Variants in PHLDB3 observed in about 807,000 individuals in gnomAD.
PHLDB3 encodes the protein pleckstrin homology like domain family B member 3.
In PHLDB3, 86 loss-of-function variants were observed where a neutral mutation model predicts 85.7. That is an observed-to-expected ratio of 1.00 (90% CI 0.84 to 1.20). PHLDB3 has a LOEUF of 1.20. PHLDB3 is among the 50% of genes most tolerant of loss of function. PHLDB3 has a pLI of 0.00. For synonymous variants in PHLDB3, 376 were observed against 349.8 expected (o/e 1.07, Z -0.83); for missense variants, 995 against 873.0 (o/e 1.14, Z -1.76).
intron 2 of PHLDB3, among the ~76,000 whole-genome samples, 174 bp from the exon 3 acceptor site, chr19:43,502,457 CTTT>C (rs10685194): frequency 7.3e-6 from 1 of 136,650 alleles, no homozygotes. Context: ...TCTTTCTTAT[CTTT>C]TTTTTTTTTT....
intron 2 of PHLDB3, among the ~76,000 whole-genome samples, chr19:43,503,349 C>G (rs1971665578): frequency 6.6e-6 from 1 of 151,160 alleles, no homozygotes; most frequent in South Asian, 2.1e-4. Context: ...TTGTCCCAGG[C>G]TGGGGTGCAG....
chr19:43,479,448 C>G lies in PHLDB3; in HGVS notation c.1631G>C (p.Gly544Ala). The change falls in exon 14 of 16, where the codon GGC (glycine) becomes GCC (alanine). Residue 544 changes from glycine to alanine, a missense_variant. Physicochemically the swap from Gly to Ala is moderately conservative, Grantham distance 60. Coordinates refer to ENST00000292140, the MANE Select transcript of PHLDB3 (RefSeq NM_198850.4). ...CCRGPLVKMG[G>A]RIKTWRKRWF... ...TCGCTTCCTCCAGGTCTTGATGCGG[C>G]CGCCCATCTTCACCAGGGGTCCACG... The G allele has an allele frequency of 1.3e-6, 2 of 1,566,388 alleles. No individual in the cohort carries two copies. Among genetic ancestry groups the G allele is most frequent in the Admixed American group, 1.9e-5 (1 of 52,860 alleles).
chr19:43,499,805 C>T (rs1971545803), intron 4 of PHLDB3, among the ~76,000 whole-genome samples: 1 of 151,386 alleles, frequency 6.6e-6, no homozygotes, highest in African/African-American at 2.4e-5. Flanking sequence ...GTGATCTTGG[C>T]TCCTGGGAGC....
At chr19:43,492,421 G>A (rs1971341420) in intron 9 of PHLDB3, among the ~76,000 whole-genome samples, 1 of 151,876 alleles carries the variant, frequency 6.6e-6, no homozygotes, top group Non-Finnish European at 1.5e-5. Context: ...GTCTCACTCT[G>A]TCGCCCAGGT....
intron 9 of PHLDB3, among the ~76,000 whole-genome samples, chr19:43,494,275 G>T (rs1971388692): frequency 6.6e-6 from 1 of 152,094 alleles, no homozygotes; most frequent in Non-Finnish European, 1.5e-5. Flanking sequence ...CTCCCAAAGT[G>T]CTGGGATTAC....
chr19:43,475,765 A>C (rs1045528185), intron 15 of PHLDB3, among the ~76,000 whole-genome samples: 1 of 151,970 alleles, frequency 6.6e-6, no homozygotes, highest in African/African-American at 2.4e-5. Flanking sequence ...TCATATGTAG[A>C]GCGCTATTGA....
chr19:43,485,160 T>C (rs1370210862), intron 13 of PHLDB3, among the ~76,000 whole-genome samples: 1 of 152,000 alleles, frequency 6.6e-6, no homozygotes, highest in Non-Finnish European at 1.5e-5. Context: ...TGGGGGTCTA[T>C]TAATCTACTC....
In PHLDB3 at chr19:43,502,298, G is replaced by A; in HGVS notation, c.214-15C>T. 1 of 1,544,588 alleles carries A rather than the reference G, an allele frequency of 6.5e-7. No individual in the cohort carries two copies. ...GTAGCCTCGGGCTGAAGTTGAGGGG[G>A]GCGTGGTTAAGTGGAGATGCCTCGC... On this transcript the variant is annotated splice_polypyrimidine_tract_variant and intron_variant, in intron 2 of 15. Coordinates refer to ENST00000292140, the MANE Select transcript of PHLDB3 (RefSeq NM_198850.4).
chr19:43,499,812 G>A (rs564994032), intron 4 of PHLDB3, among the ~76,000 whole-genome samples: 3 of 152,066 alleles, frequency 2.0e-5, no homozygotes, highest in Non-Finnish European at 4.4e-5. Flanking sequence ...TGGCTCCTGG[G>A]AGCTGCAACC....
chr19:43,501,748 GGCGGCC>G lies in PHLDB3; in HGVS notation c.514_519del (p.Gly172_Arg173del). On this transcript the variant is annotated inframe_deletion, in exon 4 of 16. Transcript: ENST00000292140. ...GCCAAACAGACCTGTTCCCGCTGCTGGCGGCCGCGCTGCTCCGAGGCCGCCTGCTGC... is the reference window on the plus strand; with the variant it reads ...GCCAAACAGACCTGTTCCCGCTGCTGGCGCTGCTCCGAGGCCGCCTGCTGC... 6.3e-7 allele frequency: 1 copy of G among 1,583,972 alleles called. No homozygotes were observed. Among genetic ancestry groups the G allele is most frequent in the Non-Finnish European group, 8.5e-7 (1 of 1,170,660 alleles).
At chr19:43,476,354 ACT>A (rs1324912590) in intron 15 of PHLDB3, among the ~76,000 whole-genome samples, 1 of 151,826 alleles carries the variant, frequency 6.6e-6, no homozygotes, top group Non-Finnish European at 1.5e-5. Context: ...ACGTGAGAAA[ACT>A]CAGGCCGGCC....
At chr19:43,494,555 G>A (rs1037312752) in intron 9 of PHLDB3, 147 bp downstream of exon 9, 5 of 620,682 alleles carry the variant, frequency 8.1e-6, no homozygotes, top group South Asian at 2.3e-5. Flanking sequence ...AATAACCCTT[G>A]GCCAACCTTC....
intron 4 of PHLDB3, among the ~76,000 whole-genome samples, chr19:43,500,111 T>C (rs1971553124): frequency 1.3e-5 from 2 of 152,056 alleles, no homozygotes; most frequent in South Asian, 2.1e-4. Context: ...TGGTGGTGCA[T>C]GCCTGTAATC....
In PHLDB3 at chr19:43,501,744, T is replaced by G; in HGVS notation, c.524A>C (p.Gln175Pro). The G allele has an allele frequency of 1.3e-6, 2 of 1,584,684 alleles. No homozygotes were observed. The highest frequency in any genetic ancestry group is 1.7e-6 in the Non-Finnish European group (2 of 1,171,206). ...QAASEQRGRQ[Q>P]REQEQRRLSQ... Reference sequence around the variant, plus strand: ...GTGAGCCAAACAGACCTGTTCCCGCTGCTGGCGGCCGCGCTGCTCCGAGGC... The same window carrying G: ...GTGAGCCAAACAGACCTGTTCCCGCGGCTGGCGGCCGCGCTGCTCCGAGGC... Residue 175 changes from glutamine (Q) to proline (P), a missense_variant, in exon 4 of 16, where the codon CAG becomes CCG. Coordinates refer to ENST00000292140, the MANE Select transcript of PHLDB3 (RefSeq NM_198850.4).
intron 9 of PHLDB3, among the ~76,000 whole-genome samples, chr19:43,493,059 A>G (rs1971357200): frequency 6.6e-6 from 1 of 151,990 alleles, no homozygotes; most frequent in Non-Finnish European, 1.5e-5. Flanking sequence ...TGGGCAGATC[A>G]CCTGAGGTCA....
chr19:43,492,033 G>A (rs1007077784), intron 9 of PHLDB3, among the ~76,000 whole-genome samples: 1 of 147,198 alleles, frequency 6.8e-6, no homozygotes, highest in African/African-American at 2.5e-5. Flanking sequence ...TCGGCTCACT[G>A]CAACCTCCGC....
intron 9 of PHLDB3, among the ~76,000 whole-genome samples, chr19:43,492,406 A>C (rs181214915): frequency 6.6e-6 from 1 of 151,996 alleles, no homozygotes; most frequent in Admixed American, 6.6e-5. Flanking sequence ...TATTTTTAAG[A>C]CAAAGTCTCA....
In PHLDB3 at chr19:43,497,275, C is replaced by T. The variant is rs372187253; in HGVS notation, c.668G>A (p.Arg223Lys). 35 of 1,450,492 alleles carry T rather than the reference C, an allele frequency of 2.4e-5. No homozygotes were observed. Among genetic ancestry groups the T allele is most frequent in the Non-Finnish European group, 3.0e-5 (33 of 1,099,588 alleles). The allele number at this position is 1,450,492 out of a possible 1,614,324, so 89.9% of individuals were successfully genotyped here. The change falls in exon 6 of 16, where the codon AGG becomes AAG. Residue 223 changes from arginine to lysine, a missense_variant. Physicochemically the swap from Arg to Lys is conservative, Grantham distance 26. Coordinates refer to ENST00000292140, the MANE Select transcript of PHLDB3 (RefSeq NM_198850.4). ...ACGTTGGGCCACATCCAGTTGTTCC[C>T]TCATCTATAGGTCGGAACACAAAAA... ...ERLLQGVQEM[R>K]EQLDVAQRAY... is the part of the protein sequence containing the mutation.
intron 13 of PHLDB3, among the ~76,000 whole-genome samples, chr19:43,481,158 C>T (rs147656022): frequency 2.7e-4 from 39 of 143,610 alleles, no homozygotes; most frequent in African/African-American, 9.2e-4. Flanking sequence ...TGCTGTTCCA[C>T]CAGCCACACT....
Sources: allele counts gnomAD v4.1 joint callset (sites outside exome capture counted in the v4.1 genomes callset), GRCh38; gene constraint gnomAD v4.1.1; transcripts MANE v1.5; gene names NCBI Gene and HGNC (gene_info 2026-07-23, HGNC 2026-07-21).